Variants in DSCAM observed in about 807,000 individuals in gnomAD.
DSCAM encodes the protein DS cell adhesion molecule.
A neutral mutation model predicts 217.7 loss-of-function variants in DSCAM; 47 were observed. The ratio of observed to expected loss-of-function variants is 0.22; its 90% confidence interval spans 0.17 to 0.28. The LOEUF is 0.28. Among genes scored for constraint, DSCAM ranks in the 10% least tolerant of loss-of-function variants. The pLI is 1.00. For synonymous variants in DSCAM, 1,056 were observed against 1,015.3 expected, an observed-to-expected ratio of 1.04 and a Z score of -0.76; for missense variants, 2,080 against 2,618.3, an observed-to-expected ratio of 0.79 and a Z score of 4.49.
intron 16 of DSCAM, among the ~76,000 whole-genome samples, chr21:40,153,528 C>T (rs2090446239): frequency 1.3e-5 from 2 of 152,116 alleles, no homozygotes; most frequent in South Asian, 2.1e-4. Flanking sequence ...GTGAGGTATC[C>T]ATGGTGATCA....
At chr21:40,155,701 C>T (rs1053960220) in intron 16 of DSCAM, among the ~76,000 whole-genome samples, 7 of 151,976 alleles carry the variant, frequency 4.6e-5, no homozygotes, top group African/African-American at 1.4e-4. Flanking sequence ...CAGGGGAGGG[C>T]CAATCATGAT....
chr21:40,213,404 G>A (rs769572582), intron 11 of DSCAM, among the ~76,000 whole-genome samples: 6 of 152,068 alleles, frequency 3.9e-5, no homozygotes, highest in Non-Finnish European at 8.8e-5. Context: ...ACTGTAATGA[G>A]GTTTGCATGA....
At chr21:40,046,913 C>T (rs1019052185) in intron 30 of DSCAM, among the ~76,000 whole-genome samples, 4 of 151,916 alleles carry the variant, frequency 2.6e-5, no homozygotes, top group African/African-American at 9.7e-5. Context: ...GTCATAGCCC[C>T]TTTCCTCATT....
intron 3 of DSCAM, among the ~76,000 whole-genome samples, chr21:40,421,729 G>A (rs946073926): frequency 2.6e-5 from 4 of 152,152 alleles, no homozygotes; most frequent in Admixed American, 1.3e-4. Context: ...CCTGAGAGGC[G>A]GAAACCAAAA....
chr21:40,282,558 T>TCCAG (rs745342581), intron 10 of DSCAM, among the ~76,000 whole-genome samples: 7 of 120,080 alleles, frequency 5.8e-5, no homozygotes, highest in Non-Finnish European at 8.0e-5. Flanking sequence ...GCCACTGCAG[T>TCCAG]CCAGCCTGGG....
intron 14 of DSCAM, among the ~76,000 whole-genome samples, chr21:40,179,549 C>T (rs991430916): frequency 1.3e-5 from 2 of 152,126 alleles, no homozygotes; most frequent in African/African-American, 4.8e-5. Flanking sequence ...ATTTGAAAAC[C>T]AGCAAAACTT....
At chr21:40,838,814 A>G (rs2092077270) in intron 1 of DSCAM, among the ~76,000 whole-genome samples, 3 of 152,312 alleles carry the variant, frequency 2.0e-5, no homozygotes, top group South Asian at 2.1e-4. Flanking sequence ...AAAGGCAAAC[A>G]CTTTCCACAG....
chr21:40,461,433 T>C (rs1342059725), intron 3 of DSCAM, among the ~76,000 whole-genome samples: 2 of 152,222 alleles, frequency 1.3e-5, no homozygotes, highest in African/African-American at 4.8e-5. Context: ...GTGAGGTAGA[T>C]ACTTTATTTC....
intron 11 of DSCAM, among the ~76,000 whole-genome samples, chr21:40,255,218 T>C (rs1246081392): frequency 6.6e-6 from 1 of 152,200 alleles, no homozygotes; most frequent in Non-Finnish European, 1.5e-5. Flanking sequence ...CTGGGTGTTC[T>C]GTGCCAGAGA....
intron 14 of DSCAM, 35 bp from the exon 15 acceptor site, chr21:40,179,129 G>A: frequency 7.2e-7 from 1 of 1,393,434 alleles, no homozygotes; most frequent in Non-Finnish European, 9.5e-7. Flanking sequence ...AGAAGAGATA[G>A]AGACGTGAGT....
chr21:40,217,635 C>G (rs776260648), intron 11 of DSCAM, among the ~76,000 whole-genome samples: 1 of 152,100 alleles, frequency 6.6e-6, no homozygotes, highest in Non-Finnish European at 1.5e-5. Flanking sequence ...TATAAGCATT[C>G]CTTTTTCTCC....
intron 3 of DSCAM, among the ~76,000 whole-genome samples, chr21:40,633,790 T>A (rs2089722193): frequency 6.6e-6 from 1 of 152,168 alleles, no homozygotes; most frequent in African/African-American, 2.4e-5. Context: ...GAGAGCGTGT[T>A]CAATGGTGTA....
At chr21:40,773,457 C>T (rs1177664298) in intron 1 of DSCAM, among the ~76,000 whole-genome samples, 2 of 152,164 alleles carry the variant, frequency 1.3e-5, no homozygotes, top group African/African-American at 4.8e-5. Flanking sequence ...CTTAGAAGGA[C>T]ACCAGTCCTT....
chr21:40,843,881 A>G (rs1035153939), intron 1 of DSCAM, among the ~76,000 whole-genome samples: 3 of 151,466 alleles, frequency 2.0e-5, no homozygotes, highest in Non-Finnish European at 4.4e-5. Flanking sequence ...TGATACATCA[A>G]TAAGAAAAAT....
At chr21:40,095,169 TCC>T (rs566150077) in intron 20 of DSCAM, among the ~76,000 whole-genome samples, 1 of 152,162 alleles carries the variant, frequency 6.6e-6, no homozygotes, top group Non-Finnish European at 1.5e-5. Flanking sequence ...CAAAAGGGGT[TCC>T]CCCTTGTAAA....
chr21:40,090,680 CA>C (rs1555876813), intron 21 of DSCAM, among the ~76,000 whole-genome samples: 1 of 152,180 alleles, frequency 6.6e-6, no homozygotes, highest in Non-Finnish European at 1.5e-5. Context: ...GTCCGTCCTG[CA>C]CCTTCATCTC....
At chr21:40,093,569 G>A in intron 21 of DSCAM, 152 bp downstream of exon 21, 2 of 926,792 alleles carry the variant, frequency 2.2e-6, no homozygotes, top group Non-Finnish European at 3.2e-6. Context: ...GAAGCTCAGA[G>A]CTTGTTAGCC....
rs554839048 is a variant in DSCAM at position 40,450,324 on chromosome 21, C to CT, written c.509-81080dup. On this transcript the variant is annotated intron_variant, in intron 3 of 32. Transcript: ENST00000400454. ...GTCAAGTACAGATTTTTAAAATGTT[C>CT]TAGTCCTGGCTGACACTTGAAAATA... 1.2e-3 allele frequency among the ~76,000 whole-genome samples: 181 copies of CT among 152,304 alleles called. 1 individual carries two copies. The highest frequency in any genetic ancestry group is 3.8e-3 in the African/African-American group (157 of 41,566).
intron 1 of DSCAM, among the ~76,000 whole-genome samples, chr21:40,755,678 C>G (rs185668135): frequency 4.6e-5 from 7 of 152,016 alleles, no homozygotes; most frequent in Non-Finnish European, 1.0e-4. Flanking sequence ...AGCACCCTGG[C>G]CCCCCAAGGT....
Sources: gnomAD v4.1 joint callset for allele counts (sites outside exome capture counted in the v4.1 genomes callset) on GRCh38, gnomAD v4.1.1 for gene constraint, MANE v1.5 for transcripts, NCBI Gene and HGNC (gene_info 2026-07-23, HGNC 2026-07-21) for gene names.